Variants in REV3L observed in about 807,000 individuals in gnomAD.
REV3L encodes REV3 like, DNA directed polymerase zeta catalytic subunit.
A neutral mutation model predicts 299.4 loss-of-function variants in REV3L; 69 were observed. The observed-to-expected ratio is 0.23, with a 90% confidence interval of 0.19 to 0.28. The LOEUF (loss-of-function observed/expected upper bound fraction) is 0.28. Among genes scored for constraint, REV3L ranks in the 10% least tolerant of loss-of-function variants. REV3L has a pLI of 1.00. For missense variants in REV3L, 3,128 were observed against 3,693.8 expected (o/e 0.85, Z 3.97); for synonymous variants, 1,238 against 1,271.4 (o/e 0.97, Z 0.56).
intron 18 of REV3L, among the ~76,000 whole-genome samples, chr6:111,355,246 C>T (rs960717898): frequency 1.1e-4 from 16 of 152,058 alleles, no homozygotes; most frequent in Non-Finnish European, 1.9e-4. Flanking sequence ...AGCACTGCCC[C>T]TTACACACAG....
At chr6:111,371,864 T>C (rs753759335) in intron 13 of REV3L, among the ~76,000 whole-genome samples, 3 of 151,890 alleles carry the variant, frequency 2.0e-5, no homozygotes, top group Non-Finnish European at 4.4e-5. Context: ...GTGCCCGGCC[T>C]AATTTTTTGT....
At chr6:111,479,073 C>T (rs1418352814) in intron 1 of REV3L, among the ~76,000 whole-genome samples, 1 of 152,134 alleles carries the variant, frequency 6.6e-6, no homozygotes, top group Non-Finnish European at 1.5e-5. Flanking sequence ...AAGCAAAAGT[C>T]GAGATGTGGA....
At chr6:111,318,201 C>T (rs1379523314) in intron 26 of REV3L, among the ~76,000 whole-genome samples, 1 of 152,088 alleles carries the variant, frequency 6.6e-6, no homozygotes, top group East Asian at 1.9e-4. Flanking sequence ...CATTCTCCTG[C>T]CTCAGCCTCC....
intron 1 of REV3L, among the ~76,000 whole-genome samples, chr6:111,482,248 G>T (rs894910019): frequency 7.2e-5 from 11 of 152,218 alleles, no homozygotes; most frequent in African/African-American, 2.7e-4. Flanking sequence ...AACTGGCAGA[G>T]GAGAGCGAGG....
rs1030519444 is a variant in REV3L at position 111,430,155 on chromosome 6, G to T, written c.140-13683C>A. ...AAAAGACCTCCAGTGTCACGCCCCT[G>T]TGGGATTAGACTTGCCCGGTGAGAA... On this transcript the variant is annotated intron_variant, in intron 1 of 31. Transcript: ENST00000368802. The T allele has an allele frequency of 6.3e-6, 5 of 789,536 alleles. No individual in the cohort carries two copies. The Admixed American group carries it at 8.5e-5, about 13-fold the overall frequency. 48.9% of individuals were successfully genotyped at this position (789,536 alleles called of 1,614,324 possible).
In REV3L at chr6:111,335,362, TTAG is replaced by T. The variant is rs1181204055; in HGVS notation, c.7680+104_7680+106del. ...CAAGATTTAATTACCCAGCTATTGA[TTAG>T]TTGGTACCAAACAGAAAGTTTAAAA... On this transcript the variant is annotated intron_variant, in intron 22 of 31. Coordinates refer to ENST00000368802, the MANE Select transcript of REV3L (RefSeq NM_001372078.1). 4.8e-5 allele frequency: 57 copies of T among 1,196,634 alleles called. No homozygotes were observed. In the South Asian group the frequency reaches 9.1e-4, roughly 19 times the overall value. The allele number at this position is 1,196,634 out of a possible 1,614,324, so 74.1% of individuals were successfully genotyped here.
chr6:111,432,601 G>C (rs931792020), intron 1 of REV3L, among the ~76,000 whole-genome samples: 14 of 152,156 alleles, frequency 9.2e-5, no homozygotes, highest in African/African-American at 3.4e-4. Context: ...TACAGTAATA[G>C]TAGGGGACTT....
intron 3 of REV3L, among the ~76,000 whole-genome samples, chr6:111,411,127 A>G (rs919036808): frequency 6.6e-6 from 1 of 152,118 alleles, no homozygotes. Flanking sequence ...CTCTGGACTC[A>G]CTCCTACATA....
chr6:111,342,435 G>A (rs557867921), intron 21 of REV3L, among the ~76,000 whole-genome samples: 3 of 152,102 alleles, frequency 2.0e-5, no homozygotes, highest in African/African-American at 7.2e-5. Context: ...TTGGGAGGCC[G>A]AGGCGGGCGG....
chr6:111,452,641 T>G (rs1789685968), intron 1 of REV3L, among the ~76,000 whole-genome samples: 1 of 152,148 alleles, frequency 6.6e-6, no homozygotes, highest in Non-Finnish European at 1.5e-5. Context: ...GGACCAGGAA[T>G]AGCGAGAGAG....
upstream of REV3L, chr6:111,483,231 T>A (rs1583169516): frequency 4.9e-6 from 1 of 206,036 alleles, no homozygotes; most frequent in South Asian, 4.8e-5. Flanking sequence ...ACGCAACCAC[T>A]GGGGGGAGGG....
At position 111,405,641 on chromosome 6, in the gene REV3L, A is replaced by C; in HGVS notation, c.405-11T>G. 6.4e-7 allele frequency: 1 copy of C among 1,555,290 alleles called. No individual in the cohort carries two copies. The highest frequency in any genetic ancestry group is 8.7e-7 in the Non-Finnish European group (1 of 1,149,026). ...AAAAGTTCACATATCCTAAATTAGA[A>C]AAAAAAAGTTTTATCATAAAATTAT... On this transcript the variant is annotated splice_polypyrimidine_tract_variant and intron_variant, in intron 3 of 31. Coordinates refer to ENST00000368802, the MANE Select transcript of REV3L (RefSeq NM_001372078.1).
intron 1 of REV3L, among the ~76,000 whole-genome samples, chr6:111,481,975 C>G (rs1793739817): frequency 6.6e-6 from 1 of 152,214 alleles, no homozygotes; most frequent in African/African-American, 2.4e-5. Flanking sequence ...GTCTGTGCTG[C>G]TGAGTCTGGC....
intron 4 of REV3L, among the ~76,000 whole-genome samples, chr6:111,402,213 T>C (rs1196037373): frequency 1.3e-5 from 2 of 152,182 alleles, no homozygotes; most frequent in Admixed American, 6.5e-5. Context: ...AGCACCACCT[T>C]AGATCAAGCT....
intron 21 of REV3L, among the ~76,000 whole-genome samples, chr6:111,342,152 C>G (rs1776556018): frequency 6.6e-6 from 1 of 152,192 alleles, no homozygotes; most frequent in African/African-American, 2.4e-5. Flanking sequence ...CAACCATAGG[C>G]TTTGAACTAA....
In REV3L at chr6:111,375,584, T is replaced by C. The variant is rs1459314383; in HGVS notation, c.2771A>G (p.Lys924Arg). 5 of 1,613,710 alleles carry C rather than the reference T, an allele frequency of 3.1e-6. No individual in the cohort carries two copies. The Admixed American group carries it at 6.7e-5, about 22-fold the overall frequency. ...ACTGTCTTCAGTCTCATAATTTACCTTGCGTTTGGCTCTAAGTGTGTATTT... is the reference window on the plus strand; with the variant it reads ...ACTGTCTTCAGTCTCATAATTTACCCTGCGTTTGGCTCTAAGTGTGTATTT... ...GNKYTLRAKR[K>R]VNYETEDSES... Residue 924 changes from lysine to arginine, a missense_variant, in exon 13 of 32, where the codon AAG becomes AGG. Around this residue, in one of 9 missense-constraint regions of REV3L, gnomAD observed 2,409 missense variants for 2,611.8 expected, o/e 0.92. Coordinates refer to ENST00000368802, the MANE Select transcript of REV3L (RefSeq NM_001372078.1).
intron 21 of REV3L, among the ~76,000 whole-genome samples, chr6:111,338,412 T>G (rs1005786481): frequency 7.3e-6 from 1 of 136,074 alleles, no homozygotes; most frequent in Non-Finnish European, 1.5e-5. Flanking sequence ...AGAAACATAA[T>G]CAGCAGATTA....
chr6:111,338,391 T>G (rs1776151284), intron 21 of REV3L, among the ~76,000 whole-genome samples: 1 of 130,344 alleles, frequency 7.7e-6, no homozygotes, highest in African/African-American at 2.8e-5. Context: ...TTGTAATTCA[T>G]GGTACAATTA....
chr6:111,470,545 C>T (rs928573658), intron 1 of REV3L, among the ~76,000 whole-genome samples: 8 of 152,168 alleles, frequency 5.3e-5, no homozygotes, highest in African/African-American at 1.9e-4. Context: ...TTTACCACCT[C>T]GTTTAGTAAA....
Sources: allele counts gnomAD v4.1 joint callset (sites outside exome capture counted in the v4.1 genomes callset), GRCh38; gene constraint gnomAD v4.1.1; regional missense constraint gnomAD v4.1.1; transcripts MANE v1.5; gene names NCBI Gene and HGNC (gene_info 2026-07-23, HGNC 2026-07-21).